Variants in LEKR1 observed in about 807,000 individuals in gnomAD.
LEKR1 encodes leucine, glutamate and lysine rich 1.
LEKR1 carries 59 observed loss-of-function variants against 72.4 expected under a neutral mutation model. The ratio of observed to expected loss-of-function variants is 0.82; its 90% CI spans 0.66 to 1.01. LEKR1 has a LOEUF of 1.01. Ranked by LOEUF, LEKR1 falls within the 50% of genes least tolerant of loss-of-function variation. LEKR1 has a pLI of 0.00. For synonymous variants in LEKR1, 257 were observed against 263.2 expected (o/e 0.98, Z 0.23); for missense variants, 728 against 759.2 (o/e 0.96, Z 0.48).
chr3:156,966,522 C>G (rs1444513536), intron 6 of LEKR1, among the ~76,000 whole-genome samples: 1 of 152,166 alleles, frequency 6.6e-6, no homozygotes, highest in Non-Finnish European at 1.5e-5. Context: ...CATGGAGCCT[C>G]GCTCATTGCT....
At chr3:156,831,104 C>G (rs997693059) in intron 2 of LEKR1, among the ~76,000 whole-genome samples, 5 of 151,994 alleles carry the variant, frequency 3.3e-5, no homozygotes, top group Non-Finnish European at 7.4e-5. Flanking sequence ...GATAGTTTGG[C>G]AGGCGGTGGG....
chr3:156,963,333 A>G (rs943426341), intron 6 of LEKR1, among the ~76,000 whole-genome samples: 4 of 152,068 alleles, frequency 2.6e-5, no homozygotes, highest in African/African-American at 4.8e-5. Flanking sequence ...CCTAACACCT[A>G]CGTGGGCACA....
chr3:157,007,903 TACTC>T (rs1185545419), intron 9 of LEKR1, among the ~76,000 whole-genome samples: 6 of 152,170 alleles, frequency 3.9e-5, no homozygotes, highest in Non-Finnish European at 7.4e-5. Flanking sequence ...ATGAATCAGA[TACTC>T]AGGAACAGAT....
At chr3:156,848,154 A>C (rs1275713583) in intron 2 of LEKR1, among the ~76,000 whole-genome samples, 1 of 152,180 alleles carries the variant, frequency 6.6e-6, no homozygotes, top group Non-Finnish European at 1.5e-5. Context: ...GATGGGCAAA[A>C]ATTTTAAGAA....
intron 6 of LEKR1, among the ~76,000 whole-genome samples, chr3:156,950,445 G>C (rs1409196783): frequency 6.6e-6 from 1 of 151,442 alleles, no homozygotes; most frequent in Non-Finnish European, 1.5e-5. Context: ...CCATTTTACT[G>C]ATATTGATTC....
At chr3:156,952,803 C>T (rs1727282881) in intron 6 of LEKR1, among the ~76,000 whole-genome samples, 1 of 151,330 alleles carries the variant, frequency 6.6e-6, no homozygotes, top group Admixed American at 6.6e-5. Context: ...CTGCAAGCAA[C>T]CTAAAACATC....
At chr3:157,014,105 A>G (rs1422718061) in intron 10 of LEKR1, among the ~76,000 whole-genome samples, 2 of 152,080 alleles carry the variant, frequency 1.3e-5, no homozygotes, top group Non-Finnish European at 2.9e-5. Context: ...TTGGTTTTAA[A>G]TGTACAATAT....
intron 6 of LEKR1, among the ~76,000 whole-genome samples, chr3:156,943,468 A>G (rs1028502535): frequency 6.6e-6 from 1 of 151,940 alleles, no homozygotes; most frequent in African/African-American, 2.4e-5. Flanking sequence ...AGCTGGTATA[A>G]TTATCCTATC....
In LEKR1 at chr3:156,854,173, T is replaced by G. The variant is rs556677981; in HGVS notation, c.263+1191T>G. ...TTTTTTTTTTTTTTGTGACAGAGTC[T>G]TGCTCTGTCACCAAGGCTGGAGTGC... On this transcript the variant is annotated intron_variant, in intron 3 of 12. Coordinates refer to ENST00000356539, the MANE Select transcript of LEKR1 (RefSeq NM_001004316.3). 2.1e-5 allele frequency among the ~76,000 whole-genome samples: 3 copies of G among 145,344 alleles called. No homozygotes were observed. In the East Asian group the frequency reaches 6.0e-4, roughly 29 times the overall value.
intron 6 of LEKR1, among the ~76,000 whole-genome samples, chr3:156,956,127 G>A (rs1366785393): frequency 6.6e-6 from 1 of 151,874 alleles, no homozygotes; most frequent in Admixed American, 6.6e-5. Flanking sequence ...ACCAGGCTGA[G>A]AAAGTGGTTA....
chr3:156,972,505 A>C (rs925485976), intron 6 of LEKR1, among the ~76,000 whole-genome samples: 21 of 152,046 alleles, frequency 1.4e-4, no homozygotes, highest in Non-Finnish European at 8.8e-5. Flanking sequence ...AAAATAAATA[A>C]ATAAATAGTG....
chr3:156,966,530 G>A lies in LEKR1; in HGVS notation c.746-12664G>A, dbSNP rs539998647. Among the ~76,000 whole-genome samples, 5 of 152,318 alleles carry A rather than the reference G, an allele frequency of 3.3e-5. No homozygotes were observed. In the South Asian group the frequency reaches 8.3e-4, roughly 25 times the overall value. On this transcript the variant is annotated intron_variant, in intron 6 of 12. Coordinates refer to ENST00000356539, the MANE Select transcript of LEKR1 (RefSeq NM_001004316.3). ...CTGCGCCCATGGAGCCTCGCTCATT[G>A]CTAGCACAGCAGTCTGAGATCAAAC...
At chr3:156,936,451 ACACACACACACACACC>A (rs1393656482) in intron 5 of LEKR1, among the ~76,000 whole-genome samples, 5 of 122,136 alleles carry the variant, frequency 4.1e-5, no homozygotes, top group East Asian at 2.5e-4. Context: ...ACACACACAC[ACACACACACACACACC>A]CCCCGTATGC....
At chr3:157,017,970 A>G (rs1733507405) in intron 10 of LEKR1, among the ~76,000 whole-genome samples, 1 of 151,116 alleles carries the variant, frequency 6.6e-6, no homozygotes, top group Non-Finnish European at 1.5e-5. Flanking sequence ...AAAAAAAAAA[A>G]AAGAAAGCTG....
intron 3 of LEKR1, among the ~76,000 whole-genome samples, chr3:156,920,351 A>G (rs892742055): frequency 2.6e-5 from 4 of 152,190 alleles, no homozygotes; most frequent in African/African-American, 9.6e-5. Context: ...CCTCTCTTCA[A>G]TATTCTTTAC....
chr3:156,910,019 T>C (rs1336130622), intron 3 of LEKR1, among the ~76,000 whole-genome samples: 1 of 152,192 alleles, frequency 6.6e-6, no homozygotes, highest in Non-Finnish European at 1.5e-5. Flanking sequence ...CAATGTTTGG[T>C]TAACTCCTTT....
chr3:156,871,318 A>G (rs111740990), intron 3 of LEKR1, among the ~76,000 whole-genome samples: 2,101 of 152,116 alleles, frequency 0.014, 24 homozygotes, highest in Non-Finnish European at 0.021. Flanking sequence ...AGTATTCCAT[A>G]GTGTATATGT....
At chr3:156,861,629 T>A (rs1349882232) in intron 3 of LEKR1, among the ~76,000 whole-genome samples, 1 of 152,026 alleles carries the variant, frequency 6.6e-6, no homozygotes, top group Non-Finnish European at 1.5e-5. Context: ...AAACGTTGAG[T>A]ACCATTGTGG....
chr3:156,937,747 C>T (rs542941766), intron 5 of LEKR1, among the ~76,000 whole-genome samples: 3 of 152,180 alleles, frequency 2.0e-5, no homozygotes, highest in Admixed American at 1.3e-4. Context: ...GTCATAATAG[C>T]CCCAAATTGG....
Sources: gnomAD v4.1 joint callset for allele counts (sites outside exome capture counted in the v4.1 genomes callset) on GRCh38, gnomAD v4.1.1 for gene constraint, MANE v1.5 for transcripts, NCBI Gene and HGNC (gene_info 2026-07-23, HGNC 2026-07-21) for gene names.